SUGP2: variants seen among roughly 807,000 people sequenced by gnomAD.
SUGP2 encodes SURP and G-patch domain containing 2, also known as SURP and G-patch domain-containing protein 2.
A neutral mutation model predicts 90.5 loss-of-function variants in SUGP2; 24 were observed. The ratio of observed to expected loss-of-function variants is 0.27; its 90% confidence interval spans 0.19 to 0.37. The LOEUF is 0.37. Among genes scored for constraint, SUGP2 ranks in the 10% least tolerant of loss-of-function variants. The pLI is 1.00. For missense variants in SUGP2, 1,233 were observed against 1,363.3 expected (o/e 0.90, Z 1.51); for synonymous variants, 473 against 513.4 (o/e 0.92, Z 1.06).
intron 2 of SUGP2, among the ~76,000 whole-genome samples, chr19:19,030,478 C>T (rs1438376806): frequency 6.6e-6 from 1 of 152,152 alleles, no homozygotes; most frequent in African/African-American, 2.4e-5. Context: ...CCCTCCATTG[C>T]CCTCCAGCCT....
chr19:19,025,176 G>C lies in SUGP2; in HGVS notation c.1172C>G (p.Ser391Cys). The C allele has an allele frequency of 6.2e-7, 1 of 1,612,528 alleles. No individual in the cohort carries two copies. The highest frequency in any genetic ancestry group is 8.5e-7 in the Non-Finnish European group (1 of 1,179,822). Residue 391 changes from serine to cysteine, a missense_variant, in exon 3 of 11, where the codon TCT becomes TGT. Physicochemically the swap from Ser to Cys is moderately radical, Grantham distance 112 (BLOSUM62 -1). Transcript: ENST00000452918. ...ATCAACTCTGGGTGTTTTCAAAGCA[G>C]AGTGCTTTAAAAATTTGATAGTAAA... ...CFFTIKFLKH[S>C]ALKTPRVDNE... is the part of the protein sequence containing the mutation.
At chr19:19,005,400 C>A (rs775405678) in intron 6 of SUGP2, among the ~76,000 whole-genome samples, 2 of 152,070 alleles carry the variant, frequency 1.3e-5, no homozygotes, top group African/African-American at 4.8e-5. Flanking sequence ...TGAATCAGGG[C>A]AAGATGGTTC....
intron 2 of SUGP2, among the ~76,000 whole-genome samples, chr19:19,027,636 C>CTT (rs923884609): frequency 6.9e-6 from 1 of 144,792 alleles, no homozygotes; most frequent in Non-Finnish European, 1.5e-5. Context: ...TTTTTTTTTT[C>CTT]TTTTTTTTTT....
chr19:19,022,499 T>C (rs1051766356), intron 3 of SUGP2, among the ~76,000 whole-genome samples: 1 of 152,204 alleles, frequency 6.6e-6, no homozygotes, highest in Non-Finnish European at 1.5e-5. Flanking sequence ...ATTAGGTCAA[T>C]ATCAGGATGT....
In SUGP2 at chr19:19,025,261, C is replaced by T. The variant is rs1568454190; in HGVS notation, c.1087G>A (p.Ala363Thr). Residue 363 changes from alanine to threonine, a missense_variant, in exon 3 of 11, where the codon GCT becomes ACT. By Grantham distance (58) the Ala-to-Thr change is moderately conservative. Around this residue, in one of 8 missense-constraint regions of SUGP2, gnomAD observed 55 missense variants for 82.0 expected, o/e 0.67. Coordinates refer to ENST00000452918, the MANE Select transcript of SUGP2 (RefSeq NM_001017392.5). ...CATTTGAATGAGGCAAGCATTTTAG[C>T]ACAGGTTTCTGTTTCAAGTTCAAAG... Reference protein sequence around the residue: ...TLFELETETCAKMLASFKCSL... With the variant: ...TLFELETETCTKMLASFKCSL... 1 of 1,613,256 alleles carries T rather than the reference C, an allele frequency of 6.2e-7. No individual in the cohort carries two copies.
intron 8 of SUGP2, among the ~76,000 whole-genome samples, chr19:18,998,046 T>C (rs1038310167): frequency 7.0e-4 from 106 of 152,290 alleles, no homozygotes; most frequent in Non-Finnish European, 2.4e-4. Context: ...ACACCACACC[T>C]AGAGCCCAGA....
intron 4 of SUGP2, among the ~76,000 whole-genome samples, chr19:19,011,734 CG>C (rs1409174042): frequency 1.3e-5 from 2 of 152,096 alleles, no homozygotes; most frequent in South Asian, 4.2e-4. Flanking sequence ...TGGTGGCTCA[CG>C]CCTGTAATCC....
At position 19,021,159 on chromosome 19, in the gene SUGP2, CAAAAA is replaced by C. The variant is rs386388689; in HGVS notation, c.1730-1935_1730-1931del. Among the ~76,000 whole-genome samples, 68 of 66,962 alleles carry C rather than the reference CAAAAA, an allele frequency of 1.0e-3. 1 individual carries two copies. Among genetic ancestry groups the C allele is most frequent in the Middle Eastern group, 0.022 (2 of 92 alleles). The allele number at this position is 66,962 out of a possible 152,430, so 43.9% of individuals were successfully genotyped here. ...GGGCAACAAGAGCAAAATTCCATCT[CAAAAA>C]AAAAAAAAAAAAAAAAGCAAAGAAT... On this transcript the variant is annotated intron_variant, in intron 3 of 10. Coordinates refer to ENST00000452918, the MANE Select transcript of SUGP2 (RefSeq NM_001017392.5).
Position 19,025,222 on chromosome 19 carries a change from C to G in SUGP2, c.1126G>C (p.Glu376Gln). ...LASFKCSLKPEHRDFCFFTIK... is the reference protein window; with the variant it reads ...LASFKCSLKPQHRDFCFFTIK... The stretch of plus-strand genomic sequence containing the variant: ...GTAAAAAAGCAAAAATCTCTGTGCT[C>G]TGGTTTTAAGGAACATTTGAATGAG... The change falls in exon 3 of 11, where the codon GAG becomes CAG. Residue 376 changes from glutamate to glutamine, a missense_variant. By Grantham distance (29) the Glu-to-Gln change is conservative. This residue lies in a region of SUGP2 where 55 missense variants were observed against 82.0 expected (regional missense o/e 0.67). Coordinates refer to ENST00000452918, the MANE Select transcript of SUGP2 (RefSeq NM_001017392.5). The G allele has an allele frequency of 1.2e-6, 2 of 1,613,044 alleles. No homozygotes were observed. The highest frequency in any genetic ancestry group is 1.7e-6 in the Non-Finnish European group (2 of 1,179,996).
intron 6 of SUGP2, chr19:19,007,239 G>A (rs961985503): frequency 1.1e-4 from 17 of 152,282 alleles, no homozygotes; most frequent in Non-Finnish European, 5.9e-5. Flanking sequence ...AAAGGTACCT[G>A]CTCCCAGCAT....
chr19:19,031,090 G>T lies in SUGP2; in HGVS notation c.-11-8C>A. The T allele has an allele frequency of 6.2e-7, 1 of 1,605,294 alleles. No individual in the cohort carries two copies. Among genetic ancestry groups the T allele is most frequent in the South Asian group, 1.1e-5 (1 of 89,472 alleles). ...CTGCCATGTTATTTTGCCCTATGGT[G>T]AGAGAGAAAAAAATACACTAAGAGC... On this transcript the variant is annotated splice_polypyrimidine_tract_variant and splice_region_variant and intron_variant, in intron 1 of 10. Transcript: ENST00000452918.
chr19:19,010,756 A>C (rs1203670691), intron 4 of SUGP2, among the ~76,000 whole-genome samples: 1 of 152,196 alleles, frequency 6.6e-6, no homozygotes, highest in Non-Finnish European at 1.5e-5. Flanking sequence ...GAGAACATTA[A>C]CCAAGGAGCC....
chr19:19,023,277 C>G (rs1276433860), intron 3 of SUGP2, among the ~76,000 whole-genome samples: 1 of 152,186 alleles, frequency 6.6e-6, no homozygotes, highest in Non-Finnish European at 1.5e-5. Flanking sequence ...TAGACTGGAG[C>G]CTCTCCTGTG....
chr19:19,025,472 C>T lies in SUGP2; in HGVS notation c.876G>A (p.Gln292=), dbSNP rs2058885543. 6.2e-7 allele frequency: 1 copy of T among 1,614,034 alleles called. No individual in the cohort carries two copies. The highest frequency in any genetic ancestry group is 1.3e-5 in the African/African-American group (1 of 74,908). The part of the protein sequence containing the change: ...LGTNPGTEDI[Q]FPIQKIPLGL... ...CCAGAGGGATCTTCTGAATGGGGAA[C>T]TGGATATCTTCTGTCCCTGGGTTTG... The change falls in exon 3 of 11, where the codon CAG becomes CAA. Residue 292 remains glutamine (Q), a synonymous_variant. Transcript: ENST00000452918.
At chr19:19,001,735 ACTGAAGAT>A in intron 7 of SUGP2, 61 bp from the exon 8 acceptor site, 1 of 1,556,526 alleles carries the variant, frequency 6.4e-7, no homozygotes. Context: ...TTACTTAGAG[ACTGAAGAT>A]CTTGCAGTCT....
intron 4 of SUGP2, among the ~76,000 whole-genome samples, chr19:19,012,212 G>A (rs2058337175): frequency 6.6e-6 from 1 of 152,192 alleles, no homozygotes; most frequent in Non-Finnish European, 1.5e-5. Context: ...GGCTAACGGT[G>A]GCATCCTGCA....
intron 6 of SUGP2, 127 bp downstream of exon 6, chr19:19,008,190 G>C (rs185838612): frequency 1.7e-5 from 14 of 806,652 alleles, no homozygotes; most frequent in Admixed American, 5.4e-5. Context: ...TGTGGTCCCA[G>C]CTACTCTGGA....
Position 19,024,814 on chromosome 19 carries a change from C to T in SUGP2, c.1534G>A (p.Ala512Thr). The change falls in exon 3 of 11, where the codon GCT becomes ACT. Residue 512 changes from alanine (A) to threonine (T), a missense_variant. Around this residue, in one of 8 missense-constraint regions of SUGP2, gnomAD observed 540 missense variants for 542.6 expected, o/e 1.00. Transcript: ENST00000452918. ...GAGTCTTCGAAGTTTGGAAACGCAG[C>T]AGGTGAGGGAGCTATATCTTGCAGG... ...VGLQDIAPSPAAFPNFEDSTL... is the reference protein window; with the variant it reads ...VGLQDIAPSPTAFPNFEDSTL... The T allele has an allele frequency of 6.2e-7, 1 of 1,614,160 alleles. No individual in the cohort carries two copies. The highest frequency in any genetic ancestry group is 8.5e-7 in the Non-Finnish European group (1 of 1,180,034).
At chr19:19,008,006 AG>A (rs1485035739) in intron 6 of SUGP2, among the ~76,000 whole-genome samples, 1 of 151,968 alleles carries the variant, frequency 6.6e-6, no homozygotes, top group African/African-American at 2.4e-5. Context: ...TGATTAGAAC[AG>A]ATCTTTCTCC....
Sources: gnomAD v4.1 joint callset for allele counts (sites outside exome capture counted in the v4.1 genomes callset) on GRCh38, gnomAD v4.1.1 for gene constraint, gnomAD v4.1.1 regional missense constraint, MANE v1.5 for transcripts, NCBI Gene and HGNC (gene_info 2026-07-23, HGNC 2026-07-21) for gene names.